The following SLC35F3 variants were observed in gnomAD, a reference collection of about 807,000 sequenced individuals.
The protein encoded by SLC35F3 is solute carrier family 35 member F3.
Under a neutral mutation model 49.9 loss-of-function variants are expected in SLC35F3, and 25 were observed. That is an observed-to-expected ratio of 0.50 (90% CI 0.37 to 0.70). The LOEUF is 0.70. SLC35F3 is among the 30% of genes least tolerant of loss of function. The pLI, the probability that SLC35F3 is intolerant of heterozygous loss-of-function variation, is 0.00. For missense variants in SLC35F3, 525 were observed against 639.8 expected (o/e 0.82, Z 1.94); for synonymous variants, 275 against 265.4 (o/e 1.04, Z -0.35).
intron 2 of SLC35F3, among the ~76,000 whole-genome samples, chr1:234,194,649 A>G (rs535814065): frequency 6.6e-6 from 1 of 152,314 alleles, no homozygotes; most frequent in East Asian, 1.9e-4. Flanking sequence ...AGCAGCTTCA[A>G]GACCCACAGA....
At chr1:234,273,628 G>T (rs1454295746) in intron 3 of SLC35F3, among the ~76,000 whole-genome samples, 1 of 150,524 alleles carries the variant, frequency 6.6e-6, no homozygotes, top group African/African-American at 2.5e-5. Context: ...TCAGGTGAAG[G>T]CTGGATGGCC....
chr1:233,905,656 G>T lies in SLC35F3; in HGVS notation c.181G>T (p.Glu61Ter), dbSNP rs1259998536. 1 of 1,614,226 alleles carries T rather than the reference G, an allele frequency of 6.2e-7. No homozygotes were observed. The highest frequency in any genetic ancestry group is 8.5e-7 in the Non-Finnish European group (1 of 1,180,038). Residue 61 changes from glutamate to a stop codon, truncating the protein, a stop_gained, in exon 2 of 8, where the codon GAG becomes TAG. Coordinates refer to ENST00000366618, the MANE Select transcript of SLC35F3 (RefSeq NM_173508.4). LOFTEE classifies it high-confidence loss of function. ...KEDLKWSRSV[E>*]DLTSGPVGLT... ...GGATCTGAAATGGTCGCGCTCCGTG[G>T]AGGATCTCACCAGCGGGCCGGTGGG...
chr1:233,919,569 G>A (rs2102786725), intron 2 of SLC35F3, among the ~76,000 whole-genome samples: 1 of 152,318 alleles, frequency 6.6e-6, no homozygotes, highest in South Asian at 2.1e-4. Flanking sequence ...GCCTTACCCA[G>A]GAGTGGGCAG....
chr1:234,232,115 C>G (rs2102951307), intron 3 of SLC35F3, among the ~76,000 whole-genome samples: 1 of 152,282 alleles, frequency 6.6e-6, no homozygotes, highest in East Asian at 1.9e-4. Flanking sequence ...CCAGGTCACT[C>G]GGACGCTTCC....
rs559072926 is a variant in SLC35F3 at position 234,274,641 on chromosome 1, T to C, written c.609-34460T>C. Reference sequence around the variant, plus strand: ...ACAGTAGGATAATGCACTTCTCTGCTCATCTCCTAACCACACTTGGAAAAG... The same window carrying C: ...ACAGTAGGATAATGCACTTCTCTGCCCATCTCCTAACCACACTTGGAAAAG... On this transcript the variant is annotated intron_variant, in intron 3 of 7. Transcript: ENST00000366618. Among the ~76,000 whole-genome samples, 4 of 152,316 alleles carry C rather than the reference T, an allele frequency of 2.6e-5. No homozygotes were observed. The East Asian group carries it at 7.7e-4, about 29-fold the overall frequency.
intron 2 of SLC35F3, among the ~76,000 whole-genome samples, chr1:234,086,922 A>G (rs141614420): frequency 1.8e-3 from 275 of 152,332 alleles, no homozygotes; most frequent in African/African-American, 6.1e-3. Context: ...TAAATTTCTG[A>G]CAGGCGTTAG....
chr1:234,178,579 C>T (rs1470717775), intron 2 of SLC35F3, among the ~76,000 whole-genome samples: 2 of 152,190 alleles, frequency 1.3e-5, no homozygotes, highest in Non-Finnish European at 2.9e-5. Context: ...TCAGCATCCC[C>T]CAGTGGTGTG....
chr1:234,179,906 A>G (rs1018666080), intron 2 of SLC35F3, among the ~76,000 whole-genome samples: 1 of 152,200 alleles, frequency 6.6e-6, no homozygotes, highest in Admixed American at 6.5e-5. Flanking sequence ...GAAAAAAGGT[A>G]AAAAGCCTTT....
At chr1:233,991,525 G>A (rs1384837193) in intron 2 of SLC35F3, among the ~76,000 whole-genome samples, 1 of 152,134 alleles carries the variant, frequency 6.6e-6, no homozygotes, top group Non-Finnish European at 1.5e-5. Flanking sequence ...GACTTAGAGA[G>A]TGTTCAATTC....
At chr1:234,237,536 T>C (rs1482521504) in intron 3 of SLC35F3, among the ~76,000 whole-genome samples, 1 of 152,234 alleles carries the variant, frequency 6.6e-6, no homozygotes, top group Non-Finnish European at 1.5e-5. Context: ...AGCATCTCCC[T>C]GCCTTCCTGC....
chr1:234,163,277 A>G (rs1262187368), intron 2 of SLC35F3, among the ~76,000 whole-genome samples: 2 of 152,210 alleles, frequency 1.3e-5, no homozygotes, highest in East Asian at 1.9e-4. Flanking sequence ...TTCTCTCGTA[A>G]GTACCCACAT....
intron 2 of SLC35F3, among the ~76,000 whole-genome samples, chr1:234,007,851 A>T: frequency 6.6e-6 from 1 of 152,206 alleles, no homozygotes; most frequent in East Asian, 1.9e-4. Context: ...GAATATGTAC[A>T]TGGAGTCCTA....
intron 2 of SLC35F3, among the ~76,000 whole-genome samples, chr1:234,094,182 AC>A (rs913575223): frequency 4.3e-4 from 65 of 152,278 alleles, no homozygotes; most frequent in African/African-American, 1.5e-3. Flanking sequence ...TTCTCTTTCC[AC>A]CAGTAACTTC....
At chr1:234,091,842 G>A (rs1211154419) in intron 2 of SLC35F3, among the ~76,000 whole-genome samples, 1 of 152,214 alleles carries the variant, frequency 6.6e-6, no homozygotes, top group Non-Finnish European at 1.5e-5. Context: ...GCCGTATTTA[G>A]TTAAGTCTGC....
chr1:234,020,053 C>A (rs1663867181), intron 2 of SLC35F3, among the ~76,000 whole-genome samples: 1 of 151,886 alleles, frequency 6.6e-6, no homozygotes, highest in African/African-American at 2.4e-5. Flanking sequence ...ATGAGTTAGA[C>A]AACAGGGTTG....
At chr1:234,048,034 A>C (rs7414838) in intron 2 of SLC35F3, among the ~76,000 whole-genome samples, 1 of 152,080 alleles carries the variant, frequency 6.6e-6, no homozygotes, top group Non-Finnish European at 1.5e-5. Flanking sequence ...AAATTGGAGG[A>C]AAGATGATTC....
intron 2 of SLC35F3, among the ~76,000 whole-genome samples, chr1:234,136,728 C>A (rs948748007): frequency 1.3e-5 from 2 of 152,156 alleles, no homozygotes; most frequent in Non-Finnish European, 2.9e-5. Flanking sequence ...GAGGCAAGAA[C>A]CCGATTTGAG....
At chr1:234,251,448 C>A in intron 3 of SLC35F3, among the ~76,000 whole-genome samples, 1 of 123,694 alleles carries the variant, frequency 8.1e-6, no homozygotes, top group Non-Finnish European at 1.6e-5. Context: ...GAAAAGAGCC[C>A]ATTTACAAAC....
chr1:233,906,108 GAA>G (rs1661772246), intron 2 of SLC35F3, among the ~76,000 whole-genome samples: 1 of 152,218 alleles, frequency 6.6e-6, no homozygotes, highest in South Asian at 2.1e-4. Context: ...CCGCGGATCT[GAA>G]AGTCTCACAG....
Sources: gnomAD v4.1 joint callset for allele counts (sites outside exome capture counted in the v4.1 genomes callset) on GRCh38, gnomAD v4.1.1 for gene constraint, MANE v1.5 for transcripts, NCBI Gene and HGNC (gene_info 2026-07-23, HGNC 2026-07-21) for gene names.